Variants in PAH observed in about 807,000 individuals in gnomAD.
PAH encodes phenylalanine-4-hydroxylase.
A neutral mutation model predicts 62.0 loss-of-function variants in PAH; 64 were observed. The ratio of observed to expected loss-of-function variants is 1.03; its 90% CI spans 0.84 to 1.27. The LOEUF (loss-of-function observed/expected upper bound fraction) is 1.27, where lower values mean the gene tolerates loss of function less well. PAH is among the 50% of genes most tolerant of loss of function. The pLI is 0.00. For missense variants in PAH, 579 were observed against 542.8 expected (o/e 1.07, Z -0.66); for synonymous variants, 195 against 196.2 (o/e 0.99, Z 0.05).
chr12:102,857,857 C>G (rs1441598159), intron 5 of PAH, among the ~76,000 whole-genome samples: 2 of 152,172 alleles, frequency 1.3e-5, no homozygotes, highest in African/African-American at 4.8e-5. Flanking sequence ...CTGGTACCAG[C>G]CACTGCAAAA....
At chr12:102,932,886 C>A (rs1302149453) in intron 1 of PAH, among the ~76,000 whole-genome samples, 1 of 152,134 alleles carries the variant, frequency 6.6e-6, no homozygotes, top group Non-Finnish European at 1.5e-5. Context: ...TACAAGCATG[C>A]AATGCTTAAT....
chr12:102,895,011 A>G lies in PAH; in HGVS notation c.169-93T>C, dbSNP rs1877443902. The G allele has an allele frequency of 1.6e-5, 15 of 914,046 alleles. No individual in the cohort carries two copies. The South Asian group carries it at 2.0e-4, about 12-fold the overall frequency. The allele number at this position is 914,046 out of a possible 1,614,324, so 56.6% of individuals were successfully genotyped here. ...CAGAACAGGAAAACCTAACGCAACA[A>G]AATGGAGAGTTCAAGAATACAATTA... On this transcript the variant is annotated intron_variant, in intron 2 of 12. Coordinates refer to ENST00000553106, the MANE Select transcript of PAH (RefSeq NM_000277.3).
At position 102,884,503 on chromosome 12, in the gene PAH, C is replaced by T. The variant is rs528918704; in HGVS notation, c.353-6953G>A. ...AGTCTCATCTTTCCCACCCACACAA[C>T]ATGGAAGTCTGAGCAAACTACTTAA... On this transcript the variant is annotated intron_variant, in intron 3 of 12. Coordinates refer to ENST00000553106, the MANE Select transcript of PAH (RefSeq NM_000277.3). Among the ~76,000 whole-genome samples, 121 of 152,360 alleles carry T rather than the reference C, an allele frequency of 7.9e-4. 2 individuals carry two copies. The South Asian group carries it at 0.025, about 31-fold the overall frequency.
chr12:102,927,939 G>A (rs1878732385), intron 1 of PAH, among the ~76,000 whole-genome samples: 1 of 152,028 alleles, frequency 6.6e-6, no homozygotes, highest in African/African-American at 2.4e-5. Flanking sequence ...CAGTTGCAAG[G>A]GAAAATATAG....
intron 2 of PAH, among the ~76,000 whole-genome samples, chr12:102,910,842 C>A (rs1287444703): frequency 2.6e-5 from 4 of 151,690 alleles, no homozygotes; most frequent in African/African-American, 9.7e-5. Context: ...ACCCACGCAG[C>A]CTTCCCCTCC....
At chr12:102,864,805 C>CAAAAA (rs3062691) in intron 5 of PAH, among the ~76,000 whole-genome samples, 7 of 131,884 alleles carry the variant, frequency 5.3e-5, no homozygotes, top group Non-Finnish European at 6.5e-5. Flanking sequence ...ATAGAATCTG[C>CAAAAA]AAAAAAAAAA....
exon 1 of PAH, chr12:102,958,332 T>G: frequency 6.8e-7 from 1 of 1,464,974 alleles, no homozygotes; most frequent in Non-Finnish European, 9.0e-7. Context: ...GCCCGCAGCC[T>G]GTTTCTTTGC....
chr12:102,846,982 G>T lies in PAH; in HGVS notation c.913-31C>A, dbSNP rs368834917. 9.4e-6 allele frequency: 15 copies of T among 1,597,358 alleles called. No homozygotes were observed. The African/African-American group carries it at 1.5e-4, about 16-fold the overall frequency. ...ATTGGGGGAAAATAGAACCTGTTCTGTTCCTGTAATTGGAACCACAGAACC... is the reference window on the plus strand; with the variant it reads ...ATTGGGGGAAAATAGAACCTGTTCTTTTCCTGTAATTGGAACCACAGAACC... On this transcript the variant is annotated intron_variant, in intron 8 of 12. Coordinates refer to ENST00000553106, the MANE Select transcript of PAH (RefSeq NM_000277.3).
intron 4 of PAH, among the ~76,000 whole-genome samples, chr12:102,875,851 G>A (rs541583582): frequency 9.9e-5 from 15 of 151,884 alleles, no homozygotes; most frequent in Non-Finnish European, 1.0e-4. Flanking sequence ...GTTTGCAATT[G>A]GGTGCTGGTT....
At chr12:102,861,833 G>C (rs1480823557) in intron 5 of PAH, among the ~76,000 whole-genome samples, 1 of 152,060 alleles carries the variant, frequency 6.6e-6, no homozygotes, top group African/African-American at 2.4e-5. Flanking sequence ...CTGTTGTGGG[G>C]TTGGGGGAAG....
intron 12 of PAH, 141 bp downstream of exon 12, chr12:102,840,259 A>G: frequency 1.5e-6 from 1 of 657,504 alleles, no homozygotes; most frequent in African/African-American, 1.8e-5. Flanking sequence ...TCCATCAATG[A>G]ACCCATGGCT....
chr12:102,952,367 G>A (rs1194361031), upstream of PAH, among the ~76,000 whole-genome samples: 1 of 152,026 alleles, frequency 6.6e-6, no homozygotes, highest in Admixed American at 6.6e-5. Flanking sequence ...GAATCAGCTG[G>A]TTTTGTTTAC....
intron 2 of PAH, among the ~76,000 whole-genome samples, chr12:102,900,937 C>T (rs1877727021): frequency 1.3e-5 from 2 of 152,166 alleles, no homozygotes; most frequent in African/African-American, 2.4e-5. Context: ...AACAATTTCA[C>T]GATTTGTCTA....
intron 6 of PAH, chr12:102,853,245 A>G (rs1022939750): frequency 2.4e-6 from 1 of 408,544 alleles, no homozygotes; most frequent in Middle Eastern, 7.5e-4. Flanking sequence ...CACAGAGCCT[A>G]GCACATTGGA....
intron 2 of PAH, among the ~76,000 whole-genome samples, chr12:102,904,539 G>A (rs1877893922): frequency 6.6e-6 from 1 of 152,130 alleles, no homozygotes; most frequent in African/African-American, 2.4e-5. Flanking sequence ...CCTAGATGTG[G>A]AATTTTTCAG....
intron 3 of PAH, among the ~76,000 whole-genome samples, chr12:102,891,508 T>TAATA (rs1877274767): frequency 1.3e-5 from 2 of 152,174 alleles, no homozygotes; most frequent in Admixed American, 1.3e-4. Context: ...CCAGTGTTTA[T>TAATA]AATAATAATG....
chr12:102,958,433 G>A (rs376318467), upstream of PAH: 8 of 1,551,216 alleles, frequency 5.2e-6, no homozygotes, highest in East Asian at 1.2e-4. Flanking sequence ...AGCAGCAGGC[G>A]CCGCAGCTGA....
chr12:102,870,923 C>G (rs1213855477), intron 4 of PAH, among the ~76,000 whole-genome samples: 1 of 152,166 alleles, frequency 6.6e-6, no homozygotes, highest in African/African-American at 2.4e-5. Flanking sequence ...TTGCCCAAGC[C>G]CATAAGCCAG....
intron 1 of PAH, among the ~76,000 whole-genome samples, chr12:102,946,266 G>A (rs1397151140): frequency 3.9e-5 from 6 of 152,188 alleles, no homozygotes; most frequent in African/African-American, 1.4e-4. Flanking sequence ...AACCCTTGCT[G>A]GGGATTCACT....
Sources: gnomAD v4.1 joint callset for allele counts (sites outside exome capture counted in the v4.1 genomes callset) on GRCh38, gnomAD v4.1.1 for gene constraint, MANE v1.5 for transcripts, NCBI Gene and HGNC (gene_info 2026-07-23, HGNC 2026-07-21) for gene names.